AGMO: variants seen among roughly 807,000 people sequenced by gnomAD.
The protein encoded by AGMO is glyceryl-ether monooxygenase.
AGMO carries 75 observed loss-of-function variants against 60.2 expected under a neutral mutation model. That is an observed-to-expected ratio of 1.25 (90% CI 1.03 to 1.51). AGMO has a LOEUF of 1.51. Among genes scored for constraint, AGMO ranks in the 40% most tolerant of loss-of-function variants. The pLI is 0.00. For synonymous variants in AGMO, 261 were observed against 177.1 expected (o/e 1.47, Z -3.76); for missense variants, 763 against 525.5 (o/e 1.45, Z -4.42).
intron 3 of AGMO, among the ~76,000 whole-genome samples, chr7:15,513,802 T>G (rs950296939): frequency 6.6e-6 from 1 of 152,218 alleles, no homozygotes; most frequent in African/African-American, 2.4e-5. Flanking sequence ...GGAATCTCTC[T>G]TCAGTATTTG....
At chr7:15,191,456 G>A in the AGMO span, among the ~76,000 whole-genome samples, 1 of 152,146 alleles carries the variant, frequency 6.6e-6, no homozygotes, top group African/African-American at 2.4e-5. Flanking sequence ...CAGGTGTTTT[G>A]ATGCAGATAA....
chr7:15,395,918 G>C (rs1283137322), intron 5 of AGMO: 2 of 152,122 alleles, frequency 1.3e-5, no homozygotes, highest in African/African-American at 2.4e-5. Context: ...CATATCCTCA[G>C]CTTGTGGCAT....
chr7:15,248,200 A>ATG lies in AGMO; in HGVS notation c.1264-46842_1264-46841insCA, dbSNP rs1782815144. Among the ~76,000 whole-genome samples the ATG allele has an allele frequency of 1.5e-4, 13 of 88,086 alleles. 1 individual carries two copies. The highest frequency in any genetic ancestry group is 5.6e-3 in the Middle Eastern group (1 of 180). The allele number at this position is 88,086 out of a possible 152,430, so 57.8% of individuals were successfully genotyped here. A position where few individuals can be genotyped will look rare whatever the true frequency, so the allele number is the denominator to read the frequency against. On this transcript the variant is annotated intron_variant, in intron 12 of 12. Transcript: ENST00000342526. ...GCACCATATATATATATATATATATATATATATATATATATATATATATAT... is the reference window on the plus strand; with the variant it reads ...GCACCATATATATATATATATATATATGTATATATATATATATATATATATAT...
At chr7:15,435,951 C>T (rs974046574) in intron 3 of AGMO, among the ~76,000 whole-genome samples, 2 of 152,108 alleles carry the variant, frequency 1.3e-5, no homozygotes, top group African/African-American at 4.8e-5. Context: ...GACAAGTCTA[C>T]AAGAAATTTT....
intron 9 of AGMO, among the ~76,000 whole-genome samples, chr7:15,385,786 A>G (rs4263652): frequency 0.14 from 21,771 of 152,194 alleles, 3,957 homozygotes; most frequent in African/African-American, 0.43. Context: ...AACTAATTCA[A>G]CAATATGTGC....
At chr7:15,385,070 A>G (rs1304508916) in intron 10 of AGMO, among the ~76,000 whole-genome samples, 1 of 152,160 alleles carries the variant, frequency 6.6e-6, no homozygotes, top group Non-Finnish European at 1.5e-5. Flanking sequence ...TCTATCAGGG[A>G]ATTCTCTAAG....
intron 12 of AGMO, among the ~76,000 whole-genome samples, chr7:15,241,641 G>C (rs1339136953): frequency 1.3e-5 from 2 of 151,938 alleles, no homozygotes; most frequent in Admixed American, 1.3e-4. Context: ...AGATTCACTG[G>C]ACTCTCATAA....
chr7:15,365,425 A>G (rs549273829), intron 12 of AGMO, 89 bp downstream of exon 12: 1 of 663,436 alleles, frequency 1.5e-6, no homozygotes, highest in East Asian at 3.3e-5. Flanking sequence ...TACTGGTCAG[A>G]AATGAAGTAG....
intron 3 of AGMO, among the ~76,000 whole-genome samples, chr7:15,462,502 G>A (rs969350038): frequency 4.6e-5 from 7 of 152,018 alleles, no homozygotes; most frequent in African/African-American, 1.7e-4. Flanking sequence ...AATATACAAA[G>A]AAATAAACTG....
chr7:15,118,803 G>A, the AGMO span, among the ~76,000 whole-genome samples: 1 of 147,402 alleles, frequency 6.8e-6, no homozygotes, highest in Non-Finnish European at 1.5e-5. Flanking sequence ...AAAAAATACA[G>A]AAACTTAGTG....
At chr7:15,426,731 G>T (rs543088643) in intron 4 of AGMO, among the ~76,000 whole-genome samples, 2 of 151,764 alleles carry the variant, frequency 1.3e-5, no homozygotes, top group African/African-American at 4.8e-5. Flanking sequence ...CTGGGCGACA[G>T]AGTGACAATT....
At chr7:15,143,780 T>A in the AGMO span, among the ~76,000 whole-genome samples, 53,062 of 151,432 alleles carry the variant, frequency 0.35, 10,893 homozygotes, top group East Asian at 0.72. Context: ...AAACTTCATG[T>A]TTTCTTAGAA....
chr7:15,293,247 T>C (rs1222865376), intron 12 of AGMO, among the ~76,000 whole-genome samples: 1 of 152,124 alleles, frequency 6.6e-6, no homozygotes, highest in African/African-American at 2.4e-5. Context: ...CCTTCATTAG[T>C]AAACGTCACT....
At chr7:15,138,263 T>C in the AGMO span, among the ~76,000 whole-genome samples, 4 of 152,204 alleles carry the variant, frequency 2.6e-5, no homozygotes, top group Admixed American at 6.5e-5. Flanking sequence ...TATTCTCTTA[T>C]GTTCAGAAAA....
chr7:15,366,806 G>C (rs994756420), intron 10 of AGMO, among the ~76,000 whole-genome samples: 15 of 151,996 alleles, frequency 9.9e-5, no homozygotes, highest in Non-Finnish European at 5.9e-5. Context: ...ATATGGCAGA[G>C]TTTTGTAAAC....
chr7:15,127,098 A>G, the AGMO span, among the ~76,000 whole-genome samples: 1 of 152,026 alleles, frequency 6.6e-6, no homozygotes, highest in Non-Finnish European at 1.5e-5. Context: ...GAACCAAACC[A>G]ATGTATTTCT....
chr7:15,224,459 C>T (rs984514056), intron 12 of AGMO, among the ~76,000 whole-genome samples: 3 of 151,860 alleles, frequency 2.0e-5, no homozygotes, highest in Non-Finnish European at 4.4e-5. Context: ...CTCTCTCTCT[C>T]CTCTCATCAA....
chr7:15,529,558 T>C (rs1189658957), intron 3 of AGMO, among the ~76,000 whole-genome samples: 1 of 127,178 alleles, frequency 7.9e-6, no homozygotes, highest in Admixed American at 9.4e-5. Context: ...ATATATAGAA[T>C]ATATATTCTA....
At chr7:15,403,490 T>C (rs1236792781) in intron 5 of AGMO, among the ~76,000 whole-genome samples, 3 of 143,840 alleles carry the variant, frequency 2.1e-5, no homozygotes, top group African/African-American at 8.9e-5. Flanking sequence ...AATTTATGTA[T>C]TTATTAACTT....
Sources: allele counts gnomAD v4.1 joint callset (sites outside exome capture counted in the v4.1 genomes callset), GRCh38; gene constraint gnomAD v4.1.1; transcripts MANE v1.5; gene names NCBI Gene and HGNC (gene_info 2026-07-23, HGNC 2026-07-21).